The following CSMD3 variants were observed in gnomAD, a reference collection of about 807,000 sequenced individuals.
CSMD3 encodes CUB and Sushi multiple domains 3, also known as CUB and sushi domain-containing protein 3.
In CSMD3, 177 loss-of-function variants were observed where a neutral mutation model predicts 435.2. The observed-to-expected ratio is 0.41, with a 90% CI of 0.36 to 0.46. The LOEUF is 0.46. CSMD3 is among the 20% of genes least tolerant of loss of function. The pLI is 0.34. For synonymous variants in CSMD3, 1,656 were observed against 1,520.5 expected, an observed-to-expected ratio of 1.09 and a Z score of -2.07; for missense variants, 4,265 against 4,504.6, an observed-to-expected ratio of 0.95 and a Z score of 1.52.
rs551007020 is a variant in CSMD3 at position 112,350,555 on chromosome 8, C to T, written c.6325+620G>A. 5.5e-4 allele frequency among the ~76,000 whole-genome samples: 83 copies of T among 151,892 alleles called. 1 individual carries two copies. The highest frequency in any genetic ancestry group is 9.3e-4 in the Non-Finnish European group (63 of 67,946). ...GAATGTTTTAAAGGTAGGGATCATA[C>T]CTCACATTACTTTCTCTTACTCTTT... On this transcript the variant is annotated intron_variant, in intron 40 of 70. Transcript: ENST00000297405.
intron 10 of CSMD3, among the ~76,000 whole-genome samples, chr8:112,917,318 T>C (rs2082603101): frequency 6.6e-6 from 1 of 151,936 alleles, no homozygotes; most frequent in Non-Finnish European, 1.5e-5. Flanking sequence ...ACAGTAATTG[T>C]AAAGTAATTT....
In CSMD3 at chr8:112,461,315, A is replaced by G. The variant is rs114504836; in HGVS notation, c.5395+11276T>C. On this transcript the variant is annotated intron_variant, in intron 32 of 70. Coordinates refer to ENST00000297405, the MANE Select transcript of CSMD3 (RefSeq NM_198123.2). The stretch of plus-strand genomic sequence containing the variant: ...TCTGTCATGGTATGAAATATTACAA[A>G]TGTGATTCTGCATGACAGAATAATG... Among the ~76,000 whole-genome samples, 468 of 152,234 alleles carry G rather than the reference A, an allele frequency of 3.1e-3. 5 individuals are homozygous for G. The highest frequency in any genetic ancestry group is 0.011 in the African/African-American group (451 of 41,552).
chr8:112,406,073 G>T (rs193170707), intron 35 of CSMD3, among the ~76,000 whole-genome samples: 1 of 151,724 alleles, frequency 6.6e-6, no homozygotes, highest in East Asian at 1.9e-4. Flanking sequence ...TAGAGGAGAT[G>T]GATATCCCAT....
chr8:113,120,627 A>T (rs1176322699), intron 4 of CSMD3, among the ~76,000 whole-genome samples: 1 of 152,186 alleles, frequency 6.6e-6, no homozygotes. Context: ...TACTACAACA[A>T]AACTTACTAT....
At chr8:112,707,492 G>T (rs569732805) in intron 13 of CSMD3, among the ~76,000 whole-genome samples, 2 of 151,080 alleles carry the variant, frequency 1.3e-5, no homozygotes, top group African/African-American at 4.9e-5. Context: ...GCGGGAGGGG[G>T]GTGGTTCCTA....
chr8:112,573,300 C>T (rs1829682379), intron 24 of CSMD3, among the ~76,000 whole-genome samples: 3 of 152,028 alleles, frequency 2.0e-5, no homozygotes, highest in Admixed American at 6.6e-5. Flanking sequence ...CAAACTGAGT[C>T]GTTTCAACTG....
chr8:112,656,090 C>A (rs2075250469), intron 18 of CSMD3, 64 bp downstream of exon 18: 1 of 887,848 alleles, frequency 1.1e-6, no homozygotes, highest in Admixed American at 1.9e-5. Context: ...ATTAGTAAAA[C>A]TATAATAATA....
chr8:113,227,762 G>A (rs1276923849), intron 3 of CSMD3, among the ~76,000 whole-genome samples: 1 of 151,618 alleles, frequency 6.6e-6, no homozygotes, highest in Non-Finnish European at 1.5e-5. Flanking sequence ...CAGTCATGTG[G>A]AACTGTGAGT....
intron 27 of CSMD3, among the ~76,000 whole-genome samples, chr8:112,540,512 C>G (rs951131855): frequency 6.6e-6 from 1 of 151,816 alleles, no homozygotes; most frequent in Admixed American, 6.6e-5. Context: ...TTCACAATAA[C>G]GAAGGTATTC....
intron 32 of CSMD3, among the ~76,000 whole-genome samples, chr8:112,457,941 A>C (rs1401588038): frequency 6.6e-6 from 1 of 152,110 alleles, no homozygotes; most frequent in Non-Finnish European, 1.5e-5. Flanking sequence ...AATATGGTAA[A>C]TAAGTATCTG....
chr8:113,070,210 G>A (rs933536285), intron 5 of CSMD3, among the ~76,000 whole-genome samples: 2 of 152,042 alleles, frequency 1.3e-5, no homozygotes, highest in Non-Finnish European at 2.9e-5. Flanking sequence ...TTATCTCCAA[G>A]AGGGCAAAAT....
At chr8:112,428,711 C>G (rs1813341124) in intron 32 of CSMD3, among the ~76,000 whole-genome samples, 1 of 152,020 alleles carries the variant, frequency 6.6e-6, no homozygotes, top group African/African-American at 2.4e-5. Context: ...TGACTTTTCT[C>G]TTCCCCTCTA....
intron 27 of CSMD3, among the ~76,000 whole-genome samples, chr8:112,536,729 T>C (rs1053348454): frequency 4.0e-5 from 6 of 149,886 alleles, no homozygotes; most frequent in Admixed American, 6.7e-5. Context: ...CGTATGTTTA[T>C]TGCGGCACTA....
rs1156920885 is a variant in CSMD3, at chr8:113,195,835, ACACACCCC to A, written c.515-21927_515-21920del. Reference sequence around the variant, plus strand: ...TATATACACACACACACACACACACACACACCCCCACACACACATGCATATATAGTGCT... The same window carrying A: ...TATATACACACACACACACACACACACACACACACATGCATATATAGTGCT... On this transcript the variant is annotated intron_variant, in intron 3 of 70. Transcript: ENST00000297405. 1.5e-4 allele frequency among the ~76,000 whole-genome samples: 22 copies of A among 147,096 alleles called. 1 individual carries two copies. Among genetic ancestry groups the A allele is most frequent in the African/African-American group, 5.4e-4 (22 of 40,444 alleles).
intron 5 of CSMD3, among the ~76,000 whole-genome samples, chr8:113,089,912 C>G (rs1201094814): frequency 6.6e-6 from 1 of 152,060 alleles, no homozygotes; most frequent in East Asian, 1.9e-4. Context: ...TGCCTTTTGA[C>G]TAACCATGAT....
chr8:113,033,569 AT>A (rs1285513451), intron 5 of CSMD3, among the ~76,000 whole-genome samples: 1,843 of 106,650 alleles, frequency 0.017, 21 homozygotes, highest in East Asian at 0.037. Flanking sequence ...TTTGATTTTG[AT>A]TTTTTTTTTT....
At chr8:112,406,148 T>C (rs1338319003) in intron 35 of CSMD3, among the ~76,000 whole-genome samples, 1 of 152,092 alleles carries the variant, frequency 6.6e-6, no homozygotes, top group African/African-American at 2.4e-5. Flanking sequence ...TCCATTAATA[T>C]ATACACCTAC....
At chr8:112,690,610 A>T (rs1005538258) in intron 13 of CSMD3, among the ~76,000 whole-genome samples, 16 of 145,322 alleles carry the variant, frequency 1.1e-4, no homozygotes, top group Non-Finnish European at 2.3e-4. Context: ...ACAAAAAAAA[A>T]ATCTTCTCAA....
Position 112,649,447 on chromosome 8 carries a change from A to G in CSMD3, c.3193+714T>C, listed in dbSNP as rs1255087806. Among the ~76,000 whole-genome samples the G allele has an allele frequency of 2.0e-5, 3 of 152,356 alleles. No homozygotes were observed. The East Asian group carries it at 5.8e-4, about 29-fold the overall frequency. On this transcript the variant is annotated intron_variant, in intron 19 of 70. Transcript: ENST00000297405. The stretch of plus-strand genomic sequence containing the variant: ...GGTATCTTCCACTTCAAGAAATAGT[A>G]AGTGTAGAATTTGAAAATAGTACTG...
Sources: gnomAD v4.1 joint callset for allele counts (sites outside exome capture counted in the v4.1 genomes callset) on GRCh38, gnomAD v4.1.1 for gene constraint, MANE v1.5 for transcripts, NCBI Gene and HGNC (gene_info 2026-07-23, HGNC 2026-07-21) for gene names.